SLC39A14: variants seen among roughly 807,000 people sequenced by gnomAD.
SLC39A14 encodes metal cation symporter ZIP14.
A neutral mutation model predicts 45.5 loss-of-function variants in SLC39A14; 19 were observed. That is an observed-to-expected ratio of 0.42 (90% CI 0.29 to 0.61). SLC39A14 has a LOEUF of 0.61. SLC39A14 is among the 20% of genes least tolerant of loss of function. The probability of loss-of-function intolerance (pLI) is 0.22; values close to 1 mark genes in which losing one functional copy is unlikely to be tolerated. For missense variants in SLC39A14, 447 were observed against 616.5 expected (o/e 0.73, Z 2.91); for synonymous variants, 264 against 251.3 (o/e 1.05, Z -0.48).
intron 1 of SLC39A14, chr8:22,390,304 G>A (rs1019849917): frequency 1.4e-5 from 2 of 145,828 alleles, no homozygotes; most frequent in African/African-American, 5.3e-5. Flanking sequence ...TGACACTAGA[G>A]CATACTTTTT....
At chr8:22,425,244 A>T (rs1836364814), downstream of SLC39A14, among the ~76,000 whole-genome samples, 1 of 152,160 alleles carries the variant, frequency 6.6e-6, no homozygotes, top group African/African-American at 2.4e-5. Context: ...AAGCAAAGTA[A>T]ACAGGCCATT....
rs1237795843 is a variant in SLC39A14, at chr8:22,421,024, G to A, written c.*1326G>A. On this transcript the variant is annotated 3_prime_UTR_variant, in exon 9 of 9. Coordinates refer to ENST00000381237, the MANE Select transcript of SLC39A14 (RefSeq NM_001128431.4). ...TAGCCACTGTGGAGCCCTTGCCTCC[G>A]AGCTCTGGCTTCAAGGGGAGCTCTT... is the stretch of plus-strand genomic sequence containing the variant. 1.1e-5 allele frequency: 11 copies of A among 985,698 alleles called. No individual in the cohort carries two copies. The highest frequency in any genetic ancestry group is 1.1e-4 in the East Asian group (1 of 8,830). 61.1% of individuals were successfully genotyped at this position (985,698 alleles called of 1,614,324 possible).
intron 1 of SLC39A14, among the ~76,000 whole-genome samples, chr8:22,379,010 A>G (rs1008601254): frequency 6.6e-6 from 1 of 152,184 alleles, no homozygotes; most frequent in African/African-American, 2.4e-5. Flanking sequence ...CACCAGGACC[A>G]TACTCCTTCT....
intron 4 of SLC39A14, among the ~76,000 whole-genome samples, chr8:22,413,510 G>A (rs1835701097): frequency 6.6e-6 from 1 of 152,016 alleles, no homozygotes; most frequent in African/African-American, 2.4e-5. Context: ...AAGATGATTC[G>A]ACTCCCCTGG....
At chr8:22,424,791 C>T (rs1003304618), downstream of SLC39A14, among the ~76,000 whole-genome samples, 96 of 152,218 alleles carry the variant, frequency 6.3e-4, no homozygotes, top group African/African-American at 2.1e-3. Context: ...CTTTAGGAGG[C>T]CAAGGCAGGT....
chr8:22,417,769 C>T lies in SLC39A14; in HGVS notation c.1266C>T (p.His422=). 1 of 1,614,216 alleles carries T rather than the reference C, an allele frequency of 6.2e-7. No homozygotes were observed. The highest frequency in any genetic ancestry group is 1.3e-5 in the African/African-American group (1 of 75,054). The change falls in exon 8 of 9, where the codon CAC becomes CAT. Residue 422 remains histidine (H), a synonymous_variant. Transcript: ENST00000381237. ...CCTTTGGCATCCTGGCCGGCAGCCA[C>T]TTCTCTGCCAACTGGATTTTTGCGC... ...GLAFGILAGS[H]FSANWIFALA... is the part of the protein sequence containing the mutation.
chr8:22,389,135 G>C (rs376200512), intron 1 of SLC39A14, among the ~76,000 whole-genome samples: 9 of 152,270 alleles, frequency 5.9e-5, no homozygotes, highest in African/African-American at 1.7e-4. Context: ...CTGTGAGACC[G>C]GTAGCCCTCC....
intron 1 of SLC39A14, among the ~76,000 whole-genome samples, chr8:22,376,074 C>A (rs1833199234): frequency 6.6e-6 from 1 of 152,178 alleles, no homozygotes; most frequent in Non-Finnish European, 1.5e-5. Flanking sequence ...CCTTAGTTTG[C>A]TGCAATCTGT....
At chr8:22,417,196 A>G (rs192692887) in intron 7 of SLC39A14, among the ~76,000 whole-genome samples, 103 of 152,290 alleles carry the variant, frequency 6.8e-4, no homozygotes, top group Middle Eastern at 3.4e-3. Context: ...CGCAGTTTTG[A>G]TTTTGTTTCC....
chr8:22,421,481 G>C lies in SLC39A14; in HGVS notation c.*1783G>C. 1 of 973,406 alleles carries C rather than the reference G, an allele frequency of 1.0e-6. No homozygotes were observed. The highest frequency in any genetic ancestry group is 1.8e-5 in the African/African-American group (1 of 56,030). The allele number at this position is 973,406 out of a possible 1,614,324, so 60.3% of individuals were successfully genotyped here. On this transcript the variant is annotated 3_prime_UTR_variant, in exon 9 of 9. Coordinates refer to ENST00000381237, the MANE Select transcript of SLC39A14 (RefSeq NM_001128431.4). ...GATGGAGATTCTAGATTAAATATCA[G>C]GACTGATTTCCTGGTGGGATTATGG...
At chr8:22,386,785 T>G (rs186899768) in intron 1 of SLC39A14, among the ~76,000 whole-genome samples, 1 of 152,208 alleles carries the variant, frequency 6.6e-6, no homozygotes, top group Non-Finnish European at 1.5e-5. Context: ...GGATGATCTC[T>G]TGTCCTCAGG....
rs1461686137 is a variant in SLC39A14, at chr8:22,414,798, C to G, written c.646C>G (p.Leu216Val). 2 of 1,609,958 alleles carry G rather than the reference C, an allele frequency of 1.2e-6. No homozygotes were observed. Among genetic ancestry groups the G allele is most frequent in the South Asian group, 2.2e-5 (2 of 90,024 alleles). The change falls in exon 5 of 9, where the codon CTG becomes GTG. Residue 216 changes from leucine (L) to valine (V), a missense_variant. Physicochemically the swap from Leu to Val is conservative, Grantham distance 32. Transcript: ENST00000381237. ...LIPEAFGFNP[L>V]EDYYVSKSAV... is the part of the protein sequence containing the mutation. ...TCCACAGGCATTTGGTTTCAACCCT[C>G]TGGAAGATTATTATGTCTCCAAGTC... is the stretch of plus-strand genomic sequence containing the variant.
chr8:22,431,802 T>C (rs1459950063), intron 8 of SLC39A14, among the ~76,000 whole-genome samples: 2 of 152,186 alleles, frequency 1.3e-5, no homozygotes, highest in East Asian at 1.9e-4. Context: ...CTGAATGAAA[T>C]TGGGCTCTCC....
intron 8 of SLC39A14, among the ~76,000 whole-genome samples, 175 bp downstream of exon 8, chr8:22,418,010 C>T (rs371853384): frequency 3.6e-4 from 55 of 152,188 alleles, no homozygotes; most frequent in African/African-American, 1.3e-3. Flanking sequence ...TCAAGTGATT[C>T]GCCTGCCTCA....
chr8:22,419,837 ATGTCAGCCG>A lies in SLC39A14; in HGVS notation c.*141_*149del. ...ACACAGACTGTATTCCTGCATTCAAATGTCAGCCGTTTGTAAAATGCTGTATCCTAGGAA... is the reference window on the plus strand; with the variant it reads ...ACACAGACTGTATTCCTGCATTCAAATTTGTAAAATGCTGTATCCTAGGAA... On this transcript the variant is annotated 3_prime_UTR_variant, in exon 9 of 9. Coordinates refer to ENST00000381237, the MANE Select transcript of SLC39A14 (RefSeq NM_001128431.4). The A allele has an allele frequency of 7.3e-7, 1 of 1,379,248 alleles. No individual in the cohort carries two copies. The highest frequency in any genetic ancestry group is 9.4e-7 in the Non-Finnish European group (1 of 1,069,370). The allele number at this position is 1,379,248 out of a possible 1,614,324, so 85.4% of individuals were successfully genotyped here.
chr8:22,402,101 G>C (rs1359394397), intron 1 of SLC39A14, among the ~76,000 whole-genome samples: 1 of 152,106 alleles, frequency 6.6e-6, no homozygotes, highest in Non-Finnish European at 1.5e-5. Flanking sequence ...CCCATTATAG[G>C]CTGGGCGCAG....
intron 1 of SLC39A14, among the ~76,000 whole-genome samples, chr8:22,399,382 T>G (rs568863543): frequency 6.6e-6 from 1 of 152,324 alleles, no homozygotes; most frequent in African/African-American, 2.4e-5. Flanking sequence ...AGCAGAAAAC[T>G]CCCCTTTCAT....
At chr8:22,401,884 C>T (rs2132295089) in intron 1 of SLC39A14, among the ~76,000 whole-genome samples, 1 of 152,100 alleles carries the variant, frequency 6.6e-6, no homozygotes, top group South Asian at 2.1e-4. Flanking sequence ...ACATAATTGC[C>T]CTGCTTTTTA....
intron 1 of SLC39A14, among the ~76,000 whole-genome samples, chr8:22,379,026 C>T (rs1324171920): frequency 6.6e-6 from 1 of 152,184 alleles, no homozygotes; most frequent in Non-Finnish European, 1.5e-5. Flanking sequence ...CTTCTGACAG[C>T]TCTAGGGGAG....
Sources: allele counts gnomAD v4.1 joint callset (sites outside exome capture counted in the v4.1 genomes callset), GRCh38; gene constraint gnomAD v4.1.1; transcripts MANE v1.5; gene names NCBI Gene and HGNC (gene_info 2026-07-23, HGNC 2026-07-21).